NKAIN2: variants seen among roughly 807,000 people sequenced by gnomAD.
NKAIN2 encodes the protein sodium/potassium-transporting ATPase subunit beta-1-interacting protein 2.
NKAIN2 carries 14 observed loss-of-function variants against 32.6 expected under a neutral mutation model. The observed-to-expected ratio is 0.43, with a 90% CI of 0.28 to 0.67. The LOEUF (loss-of-function observed/expected upper bound fraction) is 0.67, where lower values mean the gene tolerates loss of function less well. Ranked by LOEUF, NKAIN2 falls within the 30% of genes least tolerant of loss-of-function variation. The probability of loss-of-function intolerance (pLI) is 0.17; values close to 1 mark genes in which losing one functional copy is unlikely to be tolerated. For missense variants in NKAIN2, 198 were observed against 258.3 expected, an observed-to-expected ratio of 0.77 and a Z score of 1.60; for synonymous variants, 80 against 87.2, an observed-to-expected ratio of 0.92 and a Z score of 0.46.
chr6:124,413,158 C>G (rs1017679332), intron 3 of NKAIN2, among the ~76,000 whole-genome samples: 3 of 152,190 alleles, frequency 2.0e-5, no homozygotes, highest in Non-Finnish European at 4.4e-5. Context: ...TCGGCTCACA[C>G]ACGGTGAGCT....
intron 4 of NKAIN2, among the ~76,000 whole-genome samples, chr6:124,739,639 G>A (rs766967670): frequency 3.0e-4 from 46 of 151,824 alleles, no homozygotes; most frequent in Non-Finnish European, 5.6e-4. Context: ...ACTGGGTTGA[G>A]TGCATGAAAA....
At chr6:124,697,481 G>A (rs1774553125) in intron 4 of NKAIN2, among the ~76,000 whole-genome samples, 1 of 152,008 alleles carries the variant, frequency 6.6e-6, no homozygotes, top group Non-Finnish European at 1.5e-5. Context: ...TCATATCGCA[G>A]TTATGAGTAC....
chr6:123,845,947 C>CTA (rs928032555), intron 1 of NKAIN2, among the ~76,000 whole-genome samples: 1 of 152,096 alleles, frequency 6.6e-6, no homozygotes, highest in Non-Finnish European at 1.5e-5. Context: ...TTTAAATACT[C>CTA]TATATTTTTA....
At chr6:124,563,428 C>T (rs183157633) in intron 3 of NKAIN2, among the ~76,000 whole-genome samples, 4 of 152,088 alleles carry the variant, frequency 2.6e-5, no homozygotes, top group Admixed American at 2.0e-4. Context: ...TTCAAATGTC[C>T]GCTGCTACTG....
At chr6:123,988,138 C>A (rs558082127) in intron 1 of NKAIN2, among the ~76,000 whole-genome samples, 1 of 152,006 alleles carries the variant, frequency 6.6e-6, no homozygotes, top group East Asian at 1.9e-4. Flanking sequence ...TGATTGATTC[C>A]CTACAGGAAA....
chr6:124,524,092 G>A (rs532018057), intron 3 of NKAIN2, among the ~76,000 whole-genome samples: 43 of 152,280 alleles, frequency 2.8e-4, no homozygotes, highest in Middle Eastern at 6.8e-3. Flanking sequence ...GATGTTGTAT[G>A]TGGAAGAACT....
At chr6:124,023,910 T>C (rs1328318349) in intron 1 of NKAIN2, among the ~76,000 whole-genome samples, 1 of 152,146 alleles carries the variant, frequency 6.6e-6, no homozygotes. Flanking sequence ...TAGTGTACTA[T>C]ATGGGATAAG....
intron 3 of NKAIN2, among the ~76,000 whole-genome samples, chr6:124,607,686 G>T (rs996406904): frequency 6.6e-6 from 1 of 151,882 alleles, no homozygotes; most frequent in Non-Finnish European, 1.5e-5. Flanking sequence ...ATATATGTGT[G>T]TGTTTATATA....
chr6:124,248,439 T>C (rs928516679), intron 1 of NKAIN2, among the ~76,000 whole-genome samples: 5 of 151,958 alleles, frequency 3.3e-5, no homozygotes, highest in Admixed American at 2.0e-4. Context: ...AATAAACAAA[T>C]TTATTTATTT....
chr6:124,420,100 G>A (rs995836522), intron 3 of NKAIN2, among the ~76,000 whole-genome samples: 1 of 152,028 alleles, frequency 6.6e-6, no homozygotes, highest in Non-Finnish European at 1.5e-5. Flanking sequence ...CTTTAAAAAT[G>A]GAAAAGAAAA....
chr6:124,610,922 G>C (rs750387468), intron 3 of NKAIN2, among the ~76,000 whole-genome samples: 1 of 151,992 alleles, frequency 6.6e-6, no homozygotes, highest in Non-Finnish European at 1.5e-5. Flanking sequence ...GTAACCTTAT[G>C]CATCATCATT....
At chr6:124,448,593 G>A (rs1583269930) in intron 3 of NKAIN2, among the ~76,000 whole-genome samples, 1 of 152,090 alleles carries the variant, frequency 6.6e-6, no homozygotes, top group African/African-American at 2.4e-5. Context: ...GTGAACTTTG[G>A]TTATACTTCC....
chr6:124,158,848 A>G (rs1788124354), intron 1 of NKAIN2, among the ~76,000 whole-genome samples: 1 of 152,154 alleles, frequency 6.6e-6, no homozygotes, highest in Non-Finnish European at 1.5e-5. Context: ...AGCTTTTCTT[A>G]TAGTAAGTAT....
At chr6:124,160,615 G>T (rs1196574353) in intron 1 of NKAIN2, among the ~76,000 whole-genome samples, 1 of 152,060 alleles carries the variant, frequency 6.6e-6, no homozygotes, top group Non-Finnish European at 1.5e-5. Flanking sequence ...AATTTTTCAT[G>T]AAAGGTTGGT....
intron 1 of NKAIN2, among the ~76,000 whole-genome samples, chr6:123,932,578 G>A (rs1023412413): frequency 6.6e-6 from 1 of 151,574 alleles, no homozygotes; most frequent in Non-Finnish European, 1.5e-5. Flanking sequence ...CAACCTGCCC[G>A]GCTAATTTTT....
At chr6:124,286,619 A>G (rs539745866) in intron 2 of NKAIN2, among the ~76,000 whole-genome samples, 1 of 145,364 alleles carries the variant, frequency 6.9e-6, no homozygotes, top group African/African-American at 2.6e-5. Context: ...TTCATTACCC[A>G]TTTTTGTTTT....
intron 1 of NKAIN2, among the ~76,000 whole-genome samples, chr6:124,224,792 C>A (rs529291947): frequency 6.6e-6 from 1 of 152,168 alleles, no homozygotes; most frequent in Admixed American, 6.5e-5. Context: ...TTCTAAAATT[C>A]CACAGACCTT....
chr6:123,986,973 T>C (rs1779166381), intron 1 of NKAIN2, among the ~76,000 whole-genome samples: 1 of 152,198 alleles, frequency 6.6e-6, no homozygotes, highest in Non-Finnish European at 1.5e-5. Flanking sequence ...ATAGGAGGAC[T>C]ATAACGTGAA....
intron 1 of NKAIN2, among the ~76,000 whole-genome samples, chr6:123,975,735 G>A (rs1778536404): frequency 6.6e-6 from 1 of 151,960 alleles, no homozygotes; most frequent in South Asian, 2.1e-4. Flanking sequence ...CTTTATAAAG[G>A]CACCAATCCC....
Sources: allele counts gnomAD v4.1 joint callset (sites outside exome capture counted in the v4.1 genomes callset), GRCh38; gene constraint gnomAD v4.1.1; transcripts MANE v1.5; gene names NCBI Gene and HGNC (gene_info 2026-07-23, HGNC 2026-07-21).